The following CFAP61 variants were observed in gnomAD, a reference collection of about 807,000 sequenced individuals.
The protein encoded by CFAP61 is cilia- and flagella-associated protein 61.
A neutral mutation model predicts 135.6 loss-of-function variants in CFAP61; 107 were observed. The ratio of observed to expected loss-of-function variants is 0.79; its 90% confidence interval spans 0.67 to 0.93. CFAP61 has a LOEUF of 0.93. Among genes scored for constraint, CFAP61 ranks in the 40% least tolerant of loss-of-function variants. The probability of loss-of-function intolerance (pLI) is 0.00; values close to 1 mark genes in which losing one functional copy is unlikely to be tolerated. For synonymous variants in CFAP61, 575 were observed against 578.5 expected (o/e 0.99, Z 0.09); for missense variants, 1,507 against 1,556.2 (o/e 0.97, Z 0.53).
chr20:20,307,781 T>C (rs2056565909), intron 25 of CFAP61, among the ~76,000 whole-genome samples: 1 of 152,166 alleles, frequency 6.6e-6, no homozygotes, highest in Non-Finnish European at 1.5e-5. Context: ...AGAAATCTGG[T>C]GCTTTACTTA....
chr20:20,181,340 G>A (rs2055086517), intron 13 of CFAP61, among the ~76,000 whole-genome samples: 1 of 150,328 alleles, frequency 6.7e-6, no homozygotes, highest in South Asian at 2.1e-4. Context: ...CTCAATTTGG[G>A]ATTGAAAATC....
chr20:20,056,165 T>G, intron 1 of CFAP61: 2 of 601,704 alleles, frequency 3.3e-6, no homozygotes, highest in Non-Finnish European at 5.8e-6. Context: ...CCACAGAACT[T>G]TTTTGGTCTC....
At chr20:20,200,773 C>G in intron 17 of CFAP61, 1 of 985,380 alleles carries the variant, frequency 1.0e-6, no homozygotes, top group South Asian at 4.7e-5. Context: ...AAATAAACAC[C>G]TCGCAATACG....
At chr20:20,329,666 A>G (rs2057905563) in intron 25 of CFAP61, among the ~76,000 whole-genome samples, 1 of 152,082 alleles carries the variant, frequency 6.6e-6, no homozygotes, top group Non-Finnish European at 1.5e-5. Flanking sequence ...CCCATACACA[A>G]GCATTTAGAG....
At chr20:20,116,699 C>G (rs2049168471) in intron 8 of CFAP61, among the ~76,000 whole-genome samples, 1 of 152,060 alleles carries the variant, frequency 6.6e-6, no homozygotes. Context: ...GGTCATACTT[C>G]TTCTATTAAA....
intron 8 of CFAP61, among the ~76,000 whole-genome samples, chr20:20,113,300 T>C (rs2048922993): frequency 1.3e-5 from 2 of 152,230 alleles, no homozygotes; most frequent in Non-Finnish European, 2.9e-5. Flanking sequence ...ACTGCATTTG[T>C]AAAACTTTTG....
chr20:20,099,580 G>A (rs1021433526), intron 8 of CFAP61, among the ~76,000 whole-genome samples: 40 of 17,206 alleles, frequency 2.3e-3, no homozygotes, highest in Middle Eastern at 0.045. Context: ...CTCCCACACG[G>A]GGGGGGGGTT....
intron 2 of CFAP61, among the ~76,000 whole-genome samples, 165 bp from the exon 3 acceptor site, chr20:20,070,689 C>T (rs570891982): frequency 3.3e-5 from 5 of 152,284 alleles, no homozygotes; most frequent in South Asian, 4.1e-4. Flanking sequence ...TTGTCCTGAA[C>T]GATGTACCCC....
intron 9 of CFAP61, among the ~76,000 whole-genome samples, chr20:20,145,197 C>T (rs919962841): frequency 9.2e-5 from 14 of 151,898 alleles, no homozygotes; most frequent in East Asian, 5.8e-4. Context: ...AAAATAGCGC[C>T]GGGTTTATAA....
intron 25 of CFAP61, among the ~76,000 whole-genome samples, chr20:20,308,796 G>A (rs1319823758): frequency 6.6e-6 from 1 of 152,086 alleles, no homozygotes; most frequent in Non-Finnish European, 1.5e-5. Context: ...TGTACAGCAG[G>A]AGTTAAAGTC....
Position 20,228,586 on chromosome 20 carries a change from T to G in CFAP61, c.2060+210T>G, listed in dbSNP as rs972415684. 19 of 426,292 alleles carry G rather than the reference T, an allele frequency of 4.5e-5. No homozygotes were observed. The East Asian group carries it at 6.0e-4, about 13-fold the overall frequency. The allele number at this position is 426,292 out of a possible 1,614,324, so 26.4% of individuals were successfully genotyped here. On this transcript the variant is annotated intron_variant, in intron 18 of 26. Transcript: ENST00000245957. ...AGGCCAGGCCTGGCTTGCCAACTGC[T>G]TTTGTAAATAAAGCTTTATTGGAAC... is the stretch of plus-strand genomic sequence containing the variant.
chr20:20,292,844 A>G (rs1195540123), intron 24 of CFAP61, among the ~76,000 whole-genome samples: 1 of 152,068 alleles, frequency 6.6e-6, no homozygotes, highest in African/African-American at 2.4e-5. Context: ...ACCCACCCTC[A>G]AAAGTCCCAC....
intron 26 of CFAP61, among the ~76,000 whole-genome samples, chr20:20,353,144 GA>G (rs1313488472): frequency 6.6e-6 from 1 of 152,158 alleles, no homozygotes; most frequent in Non-Finnish European, 1.5e-5. Context: ...TTGTAACATT[GA>G]TGAGGAAAAC....
At chr20:20,114,494 T>C (rs1025134710) in intron 8 of CFAP61, among the ~76,000 whole-genome samples, 7 of 152,182 alleles carry the variant, frequency 4.6e-5, no homozygotes, top group African/African-American at 1.4e-4. Flanking sequence ...GCTTCGCATA[T>C]CTGTTGTTAG....
At chr20:20,161,103 G>A (rs2053360511) in intron 10 of CFAP61, among the ~76,000 whole-genome samples, 1 of 152,152 alleles carries the variant, frequency 6.6e-6, no homozygotes, top group Admixed American at 6.5e-5. Flanking sequence ...GTGTGTTTCT[G>A]GGGCAACCCA....
rs1245707649 is a variant in CFAP61, at chr20:20,164,121, A to G, written c.1098A>G (p.Ala366=). 4 of 1,613,862 alleles carry G rather than the reference A, an allele frequency of 2.5e-6. No homozygotes were observed. The highest frequency in any genetic ancestry group is 1.3e-5 in the African/African-American group (1 of 74,930). The change falls in exon 11 of 27, where the codon GCA becomes GCG. Residue 366 remains alanine (A), a synonymous_variant. Coordinates refer to ENST00000245957, the MANE Select transcript of CFAP61 (RefSeq NM_015585.4). ...QYHHVSSRSL[A]SLVLPEEPVH... is the part of the protein sequence containing the mutation. ...ACCATGTCAGCAGTAGGAGCTTGGCATCGCTCGTACTGCCTGAAGAGCCCG... is the reference window on the plus strand; with the variant it reads ...ACCATGTCAGCAGTAGGAGCTTGGCGTCGCTCGTACTGCCTGAAGAGCCCG...
chr20:20,056,633 C>G lies in CFAP61; in HGVS notation c.-21C>G. 1.2e-6 allele frequency: 2 copies of G among 1,611,692 alleles called. No individual in the cohort carries two copies. The highest frequency in any genetic ancestry group is 1.7e-6 in the Non-Finnish European group (2 of 1,179,104). The stretch of plus-strand genomic sequence containing the variant: ...AGATTAATAGTGGACTTTTTTCTCT[C>G]TTTTGGGGACAGGATAAAAAATGTC... On this transcript the variant is annotated 5_prime_UTR_variant, in exon 2 of 27. Coordinates refer to ENST00000245957, the MANE Select transcript of CFAP61 (RefSeq NM_015585.4).
chr20:20,281,643 T>G (rs1295727427), intron 22 of CFAP61, among the ~76,000 whole-genome samples: 1 of 152,208 alleles, frequency 6.6e-6, no homozygotes, highest in African/African-American at 2.4e-5. Flanking sequence ...TTCCTAAATT[T>G]TATTTGCCAA....
intron 22 of CFAP61, among the ~76,000 whole-genome samples, chr20:20,287,326 T>C (rs1357489639): frequency 2.0e-5 from 3 of 152,228 alleles, no homozygotes; most frequent in Non-Finnish European, 4.4e-5. Context: ...ATGATGGATC[T>C]GAGTGCTGCT....
Sources: allele counts gnomAD v4.1 joint callset (sites outside exome capture counted in the v4.1 genomes callset), GRCh38; gene constraint gnomAD v4.1.1; transcripts MANE v1.5; gene names NCBI Gene and HGNC (gene_info 2026-07-23, HGNC 2026-07-21).